Variants in KIAA1549L observed in about 807,000 individuals in gnomAD.
The protein encoded by KIAA1549L is KIAA1549 like, also known as UPF0606 protein KIAA1549L.
KIAA1549L carries 88 observed loss-of-function variants against 160.7 expected under a neutral mutation model. That is an observed-to-expected ratio of 0.55 (90% CI 0.46 to 0.65). The LOEUF is 0.65. Among genes scored for constraint, KIAA1549L ranks in the 30% least tolerant of loss-of-function variants. The pLI is 0.00. For missense variants in KIAA1549L, 2,258 were observed against 2,437.5 expected (o/e 0.93, Z 1.55); for synonymous variants, 950 against 976.7 (o/e 0.97, Z 0.51).
At chr11:33,626,137 G>T (rs1340546475) in intron 16 of KIAA1549L, among the ~76,000 whole-genome samples, 26 of 148,870 alleles carry the variant, frequency 1.7e-4, no homozygotes, top group African/African-American at 6.6e-4. Flanking sequence ...TTTGGTACCA[G>T]TACCATGCTG....
intron 1 of KIAA1549L, among the ~76,000 whole-genome samples, chr11:33,395,194 A>G (rs1346927254): frequency 6.6e-6 from 1 of 152,220 alleles, no homozygotes; most frequent in Non-Finnish European, 1.5e-5. Flanking sequence ...ACAGGAACTT[A>G]ATCTGTTTTG....
intron 1 of KIAA1549L, among the ~76,000 whole-genome samples, chr11:33,517,332 C>T (rs1025583855): frequency 2.0e-5 from 3 of 152,170 alleles, no homozygotes; most frequent in East Asian, 1.9e-4. Context: ...TTATGTAACG[C>T]CTCTGTAGCT....
intron 1 of KIAA1549L, among the ~76,000 whole-genome samples, chr11:33,487,485 C>CT (rs1292954181): frequency 6.9e-6 from 1 of 145,406 alleles, no homozygotes; most frequent in Non-Finnish European, 1.5e-5. Flanking sequence ...TGTTGAATGA[C>CT]TGAGTGGATG....
intron 14 of KIAA1549L, among the ~76,000 whole-genome samples, chr11:33,607,778 T>TA (rs1007868940): frequency 2.6e-5 from 4 of 152,214 alleles, no homozygotes; most frequent in African/African-American, 9.7e-5. Flanking sequence ...CTGGGCCACT[T>TA]ATAAAAGCAT....
chr11:33,401,843 C>G (rs909735017), intron 1 of KIAA1549L, among the ~76,000 whole-genome samples: 1 of 152,180 alleles, frequency 6.6e-6, no homozygotes, highest in Admixed American at 6.5e-5. Flanking sequence ...AGGGCCCTAG[C>G]AGCAAGAGGA....
At chr11:33,539,985 G>T (rs951207840) in intron 1 of KIAA1549L, among the ~76,000 whole-genome samples, 2 of 152,216 alleles carry the variant, frequency 1.3e-5, no homozygotes, top group African/African-American at 4.8e-5. Flanking sequence ...GGAAACACTA[G>T]TTTCTAGTGT....
At chr11:33,422,446 A>G (rs556299891) in intron 1 of KIAA1549L, among the ~76,000 whole-genome samples, 1 of 151,714 alleles carries the variant, frequency 6.6e-6, no homozygotes, top group South Asian at 2.1e-4. Flanking sequence ...CTGTCCTTCT[A>G]GGTCTTCCTC....
At chr11:33,589,282 G>A (rs1849974158) in intron 11 of KIAA1549L, among the ~76,000 whole-genome samples, 1 of 152,176 alleles carries the variant, frequency 6.6e-6, no homozygotes, top group Non-Finnish European at 1.5e-5. Context: ...AGAGGATATG[G>A]AGAAATAGGA....
At chr11:33,581,431 GTT>G (rs60097529) in intron 10 of KIAA1549L, among the ~76,000 whole-genome samples, 3 of 140,450 alleles carry the variant, frequency 2.1e-5, no homozygotes, top group African/African-American at 7.7e-5. Flanking sequence ...GTGTGTGTGT[GTT>G]TACGCTTGCA....
At chr11:33,380,324 T>C (rs1590209593) in intron 1 of KIAA1549L, among the ~76,000 whole-genome samples, 1 of 152,214 alleles carries the variant, frequency 6.6e-6, no homozygotes, top group Non-Finnish European at 1.5e-5. Flanking sequence ...TGCTTGGCTG[T>C]TTCTGTTAGA....
chr11:33,572,804 A>T (rs1000327320), intron 9 of KIAA1549L, among the ~76,000 whole-genome samples: 26 of 152,168 alleles, frequency 1.7e-4, no homozygotes, highest in Non-Finnish European at 1.2e-4. Context: ...GCTTTCACTC[A>T]TCTTAGTTAT....
intron 1 of KIAA1549L, among the ~76,000 whole-genome samples, chr11:33,415,223 T>G (rs1850864880): frequency 1.3e-5 from 2 of 152,198 alleles, no homozygotes; most frequent in Non-Finnish European, 1.5e-5. Flanking sequence ...ATTACTTTAT[T>G]CATTCCAAAT....
intron 13 of KIAA1549L, among the ~76,000 whole-genome samples, chr11:33,600,930 C>A (rs969530556): frequency 1.3e-5 from 2 of 152,058 alleles, no homozygotes; most frequent in Non-Finnish European, 2.9e-5. Flanking sequence ...TGGTTCCTGA[C>A]CCCGTCACTC....
intron 1 of KIAA1549L, among the ~76,000 whole-genome samples, chr11:33,518,955 C>T (rs1025917515): frequency 2.0e-5 from 3 of 152,190 alleles, no homozygotes; most frequent in African/African-American, 7.2e-5. Flanking sequence ...ATGAGTATCA[C>T]ATTGACACTC....
intron 10 of KIAA1549L, among the ~76,000 whole-genome samples, chr11:33,579,007 C>T (rs561771085): frequency 2.6e-3 from 394 of 152,280 alleles, no homozygotes; most frequent in Non-Finnish European, 4.2e-3. Context: ...TGCTAGGTGC[C>T]GAGAGAGGCA....
At chr11:33,629,177 C>T (rs944760809) in intron 16 of KIAA1549L, among the ~76,000 whole-genome samples, 3 of 152,148 alleles carry the variant, frequency 2.0e-5, no homozygotes, top group Non-Finnish European at 4.4e-5. Context: ...ATGGGCTTCC[C>T]CCTTTGAGGG....
chr11:33,656,222 G>A, intron 18 of KIAA1549L, 113 bp downstream of exon 18: 2 of 756,806 alleles, frequency 2.6e-6, no homozygotes, highest in East Asian at 5.4e-5. Context: ...CCCCATCCAG[G>A]GTGTGTCACC....
intron 1 of KIAA1549L, among the ~76,000 whole-genome samples, chr11:33,399,717 T>G (rs550939385): frequency 7.9e-5 from 12 of 152,380 alleles, no homozygotes; most frequent in African/African-American, 2.6e-4. Context: ...CTGAGTCACC[T>G]GTGCCTACCT....
chr11:33,608,193 G>C (rs1244818530), intron 14 of KIAA1549L, among the ~76,000 whole-genome samples: 1 of 152,188 alleles, frequency 6.6e-6, no homozygotes, highest in Non-Finnish European at 1.5e-5. Flanking sequence ...TCATTTCTCT[G>C]TGCCTCAGTA....
Sources: gnomAD v4.1 joint callset for allele counts (sites outside exome capture counted in the v4.1 genomes callset) on GRCh38, gnomAD v4.1.1 for gene constraint, MANE v1.5 for transcripts, NCBI Gene and HGNC (gene_info 2026-07-23, HGNC 2026-07-21) for gene names.